Variants in KANSL3 observed in about 807,000 individuals in gnomAD.
KANSL3 encodes the protein NSL complex protein NSL3.
In KANSL3, 16 loss-of-function variants were observed where a neutral mutation model predicts 89.2. That is an observed-to-expected ratio of 0.18 (90% CI 0.12 to 0.27). The LOEUF is 0.27. Among genes scored for constraint, KANSL3 ranks in the 10% least tolerant of loss-of-function variants. The pLI is 1.00. For missense variants in KANSL3, 879 were observed against 1,110.6 expected, an observed-to-expected ratio of 0.79 and a Z score of 2.96; for synonymous variants, 385 against 419.7, an observed-to-expected ratio of 0.92 and a Z score of 1.01.
chr2:96,580,710 T>C, the KANSL3 span, among the ~76,000 whole-genome samples: 1 of 152,248 alleles, frequency 6.6e-6, no homozygotes. Flanking sequence ...TATTTGAATA[T>C]AAAAGTTTGC....
At chr2:96,634,429 T>C (rs1209314237) in intron 2 of KANSL3, among the ~76,000 whole-genome samples, 3 of 152,082 alleles carry the variant, frequency 2.0e-5, no homozygotes, top group South Asian at 2.1e-4. Flanking sequence ...GGCAGGAGAA[T>C]TGCTTGAACC....
At chr2:96,638,066 A>C (rs1331628713) in intron 1 of KANSL3, 1 of 149,690 alleles carries the variant, frequency 6.7e-6, no homozygotes, top group Non-Finnish European at 1.5e-5. Context: ...TCCCTGGGGC[A>C]GGGCTCGGCG....
At chr2:96,603,681 G>A (rs1396082729) in intron 17 of KANSL3, 1 of 152,368 alleles carries the variant, frequency 6.6e-6, no homozygotes, top group African/African-American at 2.4e-5. Context: ...GACAAGCACA[G>A]ACAGAAAAAT....
At chr2:96,585,558 T>C in the KANSL3 span, among the ~76,000 whole-genome samples, 1 of 152,182 alleles carries the variant, frequency 6.6e-6, no homozygotes, top group Admixed American at 6.5e-5. Context: ...AGTATGGAAA[T>C]CCCTTAAAGA....
At chr2:96,616,463 C>G (rs1462745136) in intron 5 of KANSL3, among the ~76,000 whole-genome samples, 1 of 152,218 alleles carries the variant, frequency 6.6e-6, no homozygotes, top group East Asian at 1.9e-4. Flanking sequence ...AGGCTAAGGT[C>G]TATACCTTCT....
the KANSL3 span, among the ~76,000 whole-genome samples, chr2:96,581,635 T>C: frequency 1.3e-5 from 2 of 152,204 alleles, no homozygotes; most frequent in Non-Finnish European, 2.9e-5. Flanking sequence ...GGCTACAGAC[T>C]ATATTTTCTT....
rs1441054575 is a variant in KANSL3 at position 96,627,909 on chromosome 2, A to G, written c.386+3403T>C. The G allele has an allele frequency of 5.4e-6, 7 of 1,289,644 alleles. No homozygotes were observed. The Admixed American group carries it at 1.6e-4, about 30-fold the overall frequency. 79.9% of individuals were successfully genotyped at this position (1,289,644 alleles called of 1,614,324 possible). On this transcript the variant is annotated intron_variant, in intron 3 of 20. Transcript: ENST00000431828. ...ATAAATAATAAAATCGGCTATGTAC[A>G]AAAGTTACCTACCAAAAGAGATGGT...
intron 20 of KANSL3, chr2:96,600,240 A>T: frequency 5.9e-6 from 1 of 168,744 alleles, no homozygotes; most frequent in Non-Finnish European, 1.2e-5. Context: ...AAAATAACAT[A>T]CTTTGTGTAG....
chr2:96,629,875 T>C (rs903123318), intron 3 of KANSL3, among the ~76,000 whole-genome samples: 13 of 152,154 alleles, frequency 8.5e-5, no homozygotes, highest in African/African-American at 2.7e-4. Flanking sequence ...ACTCCTGATA[T>C]AAGAAGTAAC....
chr2:96,626,768 C>T (rs913354929), intron 3 of KANSL3, among the ~76,000 whole-genome samples: 2 of 152,204 alleles, frequency 1.3e-5, no homozygotes, highest in African/African-American at 2.4e-5. Context: ...AAATCATTTT[C>T]AAAGGTCCTC....
intron 17 of KANSL3, chr2:96,604,042 C>T: frequency 2.1e-6 from 1 of 479,846 alleles, no homozygotes. Flanking sequence ...CACTTGCAGA[C>T]CAGGACATTT....
At chr2:96,612,757 CCT>C in intron 7 of KANSL3, 59 bp downstream of exon 7, 1 of 1,376,688 alleles carries the variant, frequency 7.3e-7, no homozygotes, top group Non-Finnish European at 1.0e-6. Flanking sequence ...ATATTCTTCT[CCT>C]CAATCCTCCA....
rs760909417 is a variant in KANSL3, at chr2:96,637,144, A to AG, written c.-10dup. On this transcript the variant is annotated 5_prime_UTR_variant, in exon 2 of 21. Coordinates refer to ENST00000431828, the MANE Select transcript of KANSL3 (RefSeq NM_001115016.3). ...CCACCCCGGTGGGCCATGTCAGTGGAGGGGCAGAAAGTCAGAGCATGGGTA... is the reference window on the plus strand; with the variant it reads ...CCACCCCGGTGGGCCATGTCAGTGGAGGGGGCAGAAAGTCAGAGCATGGGTA... The AG allele has an allele frequency of 9.1e-6, 14 of 1,541,622 alleles. No homozygotes were observed. The highest frequency in any genetic ancestry group is 1.7e-4 in the Middle Eastern group (1 of 5,966).
chr2:96,608,928 G>A lies in KANSL3; in HGVS notation c.1520C>T (p.Pro507Leu), dbSNP rs201203932. 95 of 1,570,432 alleles carry A rather than the reference G, an allele frequency of 6.0e-5. 1 individual carries two copies. In the Admixed American group the frequency reaches 1.7e-3, roughly 28 times the overall value. Residue 507 changes from proline (P) to leucine (L), a missense_variant, in exon 13 of 21, where the codon CCT becomes CTT. Pro to Leu is a moderately conservative substitution (Grantham distance 98). This residue lies in a region of KANSL3 where 317 missense variants were observed against 311.2 expected (regional missense o/e 1.02). Transcript: ENST00000431828. ...GGAGGCAGGTCGACTGCCCCGCTCA[G>A]GGACTTCAAAGGCCAAGTCTCTGCG... ...VARRDLAFEV[P>L]ERGSRPASPA... is the part of the protein sequence containing the mutation.
chr2:96,592,247 G>A (rs745952690), downstream of KANSL3, among the ~76,000 whole-genome samples: 3 of 152,098 alleles, frequency 2.0e-5, no homozygotes, highest in Non-Finnish European at 4.4e-5. Context: ...CCACCCAGAG[G>A]GCTCCAATGC....
rs1043486229 is a variant in KANSL3, at chr2:96,626,000, A to G, written c.386+5312T>C. Among the ~76,000 whole-genome samples the G allele has an allele frequency of 3.3e-5, 5 of 151,732 alleles. No individual in the cohort carries two copies. In the South Asian group the frequency reaches 1.0e-3, roughly 32 times the overall value. On this transcript the variant is annotated intron_variant, in intron 3 of 20. Coordinates refer to ENST00000431828, the MANE Select transcript of KANSL3 (RefSeq NM_001115016.3). ...CCGCCTATTCAATTTTCATGAGGGC[A>G]AAAATGTCTTTTCTTCCTTTCTTAG...
chr2:96,631,851 A>T (rs1256673289), intron 2 of KANSL3, among the ~76,000 whole-genome samples: 1 of 152,100 alleles, frequency 6.6e-6, no homozygotes, highest in Non-Finnish European at 1.5e-5. Flanking sequence ...GTTCAAGACC[A>T]GCCTGGGCAA....
chr2:96,614,522 G>A (rs550592250), intron 5 of KANSL3, among the ~76,000 whole-genome samples: 52 of 152,304 alleles, frequency 3.4e-4, no homozygotes, highest in Non-Finnish European at 6.0e-4. Flanking sequence ...TGTAATCCCA[G>A]CACTTTGAGA....
At chr2:96,606,937 G>A in intron 14 of KANSL3, 1 of 1,199,942 alleles carries the variant, frequency 8.3e-7, no homozygotes, top group Non-Finnish European at 1.1e-6. Context: ...GCAGAATGTA[G>A]TGGACGAGCA....
Sources: allele counts gnomAD v4.1 joint callset (sites outside exome capture counted in the v4.1 genomes callset), GRCh38; gene constraint gnomAD v4.1.1; regional missense constraint gnomAD v4.1.1; transcripts MANE v1.5; gene names NCBI Gene and HGNC (gene_info 2026-07-23, HGNC 2026-07-21).